Variants in ADCY10 observed in about 807,000 individuals in gnomAD.
ADCY10 encodes adenylate cyclase 10.
In ADCY10, 156 loss-of-function variants were observed where a neutral mutation model predicts 183.3. The ratio of observed to expected loss-of-function variants is 0.85; its 90% CI spans 0.75 to 0.97. The LOEUF (loss-of-function observed/expected upper bound fraction) is 0.97. ADCY10 is among the 50% of genes least tolerant of loss of function. The probability of loss-of-function intolerance (pLI) is 0.00; values close to 1 mark genes in which losing one functional copy is unlikely to be tolerated. For synonymous variants in ADCY10, 645 were observed against 670.0 expected, an observed-to-expected ratio of 0.96 and a Z score of 0.58; for missense variants, 1,745 against 1,934.3, an observed-to-expected ratio of 0.90 and a Z score of 1.84.
intron 8 of ADCY10, among the ~76,000 whole-genome samples, chr1:167,890,954 T>C (rs1281793674): frequency 6.6e-6 from 1 of 152,048 alleles, no homozygotes; most frequent in South Asian, 2.1e-4. Flanking sequence ...CATTTATTTA[T>C]TTATTTAGTT....
chr1:167,871,067 GTT>G (rs1197827115), intron 13 of ADCY10, among the ~76,000 whole-genome samples: 33 of 150,440 alleles, frequency 2.2e-4, no homozygotes, highest in African/African-American at 7.6e-4. Flanking sequence ...CCTAAAGCTT[GTT>G]TTTTTTTGTT....
At chr1:167,887,480 G>T (rs945334296) in intron 8 of ADCY10, among the ~76,000 whole-genome samples, 1 of 152,074 alleles carries the variant, frequency 6.6e-6, no homozygotes, top group African/African-American at 2.4e-5. Context: ...TCACTCATAG[G>T]TGGGAATTGA....
chr1:167,907,762 G>C (rs186927127), intron 1 of ADCY10, among the ~76,000 whole-genome samples: 58 of 152,342 alleles, frequency 3.8e-4, no homozygotes, highest in Non-Finnish European at 7.1e-4. Flanking sequence ...TTTAAATCAA[G>C]AGACTGCTAT....
Position 167,901,797 on chromosome 1 carries a change from G to C in ADCY10, c.301C>G (p.Leu101Val). 1 of 1,614,212 alleles carries C rather than the reference G, an allele frequency of 6.2e-7. No homozygotes were observed. Among genetic ancestry groups the C allele is most frequent in the Non-Finnish European group, 8.5e-7 (1 of 1,180,042 alleles). The change falls in exon 5 of 33, where the codon CTG becomes GTG. Residue 101 changes from leucine (L) to valine (V), a missense_variant. By Grantham distance (32) the Leu-to-Val change is conservative (BLOSUM62 1). Coordinates refer to ENST00000367851, the MANE Select transcript of ADCY10 (RefSeq NM_018417.6). ...GDILKFAGDALLALWRVERKQ... is the reference protein window; with the variant it reads ...GDILKFAGDAVLALWRVERKQ... The stretch of plus-strand genomic sequence containing the variant: ...CGCTCCACCCTCCACAGGGCTAGCA[G>C]TGCATCACCTTCAGAGAGAGACATG...
chr1:167,833,744 CAAAAA>C (rs539820019), intron 24 of ADCY10, among the ~76,000 whole-genome samples: 7 of 98,404 alleles, frequency 7.1e-5, no homozygotes, highest in Admixed American at 3.1e-4. Context: ...GACTCCCTCT[CAAAAA>C]AAAAAAAAAA....
intron 14 of ADCY10, among the ~76,000 whole-genome samples, chr1:167,867,778 GA>G (rs201388442): frequency 2.7e-3 from 383 of 141,742 alleles, no homozygotes; most frequent in African/African-American, 6.1e-3. Flanking sequence ...TCTTTAAACT[GA>G]AAAAAAAAAA....
chr1:167,856,545 G>A (rs1558193690), intron 16 of ADCY10, 106 bp from the exon 17 acceptor site: 1 of 1,125,368 alleles, frequency 8.9e-7, no homozygotes, highest in East Asian at 2.4e-5. Context: ...GTTTGCTTAT[G>A]ATGCAGCGAA....
chr1:167,892,764 G>A (rs532823251), intron 8 of ADCY10, among the ~76,000 whole-genome samples: 6 of 152,276 alleles, frequency 3.9e-5, no homozygotes, highest in African/African-American at 1.4e-4. Context: ...TTGTTACAAA[G>A]ATTTCCTCCA....
chr1:167,866,232 G>A (rs977816606), intron 14 of ADCY10, among the ~76,000 whole-genome samples: 1 of 152,170 alleles, frequency 6.6e-6, no homozygotes, highest in African/African-American at 2.4e-5. Context: ...CAACAAGAGG[G>A]AGGAAAAATA....
chr1:167,818,473 T>G (rs1662667592), intron 30 of ADCY10: 1 of 673,300 alleles, frequency 1.5e-6, no homozygotes, highest in South Asian at 1.5e-5. Flanking sequence ...TTTGATGACT[T>G]GAGATGAATA....
chr1:167,870,553 G>A lies in ADCY10; in HGVS notation c.1463-143C>T. On this transcript the variant is annotated intron_variant, in intron 13 of 32. Coordinates refer to ENST00000367851, the MANE Select transcript of ADCY10 (RefSeq NM_018417.6). ...CACTCCTGTAATCCCAGCACTTTGG[G>A]AGGCCGAGGTGGGCGGATCTGCTGA... 5 of 717,532 alleles carry A rather than the reference G, an allele frequency of 7.0e-6. 1 individual carries two copies. The highest frequency in any genetic ancestry group is 5.9e-5 in the East Asian group (2 of 33,694). The allele number at this position is 717,532 out of a possible 1,614,324, so 44.4% of individuals were successfully genotyped here.
intron 12 of ADCY10, among the ~76,000 whole-genome samples, chr1:167,875,536 T>C (rs943201323): frequency 3.3e-5 from 5 of 152,252 alleles, no homozygotes; most frequent in African/African-American, 1.2e-4. Flanking sequence ...CCTGCAAAGA[T>C]TCCACCAATT....
In ADCY10 at chr1:167,875,128, T is replaced by C. The variant is rs1460145263; in HGVS notation, c.1462+3A>G. Reference sequence around the variant, plus strand: ...AAGTTTAAAATCAAGGCCTACTACCTACCCAGCAAAGGGTAATCCTCCTTT... The same window carrying C: ...AAGTTTAAAATCAAGGCCTACTACCCACCCAGCAAAGGGTAATCCTCCTTT... On this transcript the variant is annotated splice_donor_region_variant and intron_variant, in intron 13 of 32. Coordinates refer to ENST00000367851, the MANE Select transcript of ADCY10 (RefSeq NM_018417.6). 6.2e-7 allele frequency: 1 copy of C among 1,613,890 alleles called. No individual in the cohort carries two copies. Among genetic ancestry groups the C allele is most frequent in the East Asian group, 2.2e-5 (1 of 44,880 alleles).
intron 28 of ADCY10, among the ~76,000 whole-genome samples, chr1:167,823,424 CAAAAA>C (rs34394385): frequency 2.3e-5 from 1 of 42,844 alleles, no homozygotes. Context: ...AACTCCATCT[CAAAAA>C]AAAAAAAAAA....
Position 167,829,253 on chromosome 1 carries a change from CA to C in ADCY10, c.3750+13del. On this transcript the variant is annotated intron_variant, in intron 26 of 32. Coordinates refer to ENST00000367851, the MANE Select transcript of ADCY10 (RefSeq NM_018417.6). Reference sequence around the variant, plus strand: ...ATTCAGAAACTTAAAGGAGCAGCTACAAAAATCCCCTACCTGGAAACAATTT... The same window carrying C: ...ATTCAGAAACTTAAAGGAGCAGCTACAAAATCCCCTACCTGGAAACAATTT... The C allele has an allele frequency of 1.2e-6, 2 of 1,613,808 alleles. No individual in the cohort carries two copies. Among genetic ancestry groups the C allele is most frequent in the Non-Finnish European group, 1.7e-6 (2 of 1,179,842 alleles).
intron 25 of ADCY10, among the ~76,000 whole-genome samples, chr1:167,830,671 A>G (rs984522276): frequency 5.3e-5 from 8 of 152,120 alleles, no homozygotes; most frequent in African/African-American, 1.9e-4. Flanking sequence ...TGGGATTGCA[A>G]GCGTGAGCCA....
chr1:167,884,224 T>C (rs1000716451), intron 8 of ADCY10, among the ~76,000 whole-genome samples: 2 of 152,196 alleles, frequency 1.3e-5, no homozygotes, highest in Non-Finnish European at 2.9e-5. Flanking sequence ...TTTAATTGAC[T>C]CACAGTTCCA....
In ADCY10 at chr1:167,905,170, T is replaced by C. The variant is rs771660437; in HGVS notation, c.-30A>G. On this transcript the variant is annotated 5_prime_UTR_variant, in exon 2 of 33. Coordinates refer to ENST00000367851, the MANE Select transcript of ADCY10 (RefSeq NM_018417.6). ...AAGACAAATGTTCAGGATTTTATGGTGACAGGAAGCAGTCTCCAAATAGGT... is the reference window on the plus strand; with the variant it reads ...AAGACAAATGTTCAGGATTTTATGGCGACAGGAAGCAGTCTCCAAATAGGT... 2 of 1,613,846 alleles carry C rather than the reference T, an allele frequency of 1.2e-6. No individual in the cohort carries two copies. Among genetic ancestry groups the C allele is most frequent in the Non-Finnish European group, 1.7e-6 (2 of 1,179,752 alleles).
chr1:167,834,099 G>C (rs370397198), intron 23 of ADCY10, 22 bp from the exon 24 acceptor site: 18 of 1,575,238 alleles, frequency 1.1e-5, no homozygotes, highest in East Asian at 2.2e-5. Context: ...CCAAGGAGTA[G>C]AAAAGTGTTG....
Sources: allele counts gnomAD v4.1 joint callset (sites outside exome capture counted in the v4.1 genomes callset), GRCh38; gene constraint gnomAD v4.1.1; transcripts MANE v1.5; gene names NCBI Gene and HGNC (gene_info 2026-07-23, HGNC 2026-07-21).